The following TMCO1 variants were observed in gnomAD, a reference collection of about 807,000 sequenced individuals.
TMCO1 encodes the protein transmembrane and coiled-coil domains 1.
In TMCO1, 29 loss-of-function variants were observed where a neutral mutation model predicts 29.3. The ratio of observed to expected loss-of-function variants is 0.99; its 90% confidence interval spans 0.74 to 1.35. The LOEUF is 1.35. Ranked by LOEUF, TMCO1 falls within the 40% of genes most tolerant of loss-of-function variation. The pLI is 0.00. For synonymous variants in TMCO1, 80 were observed against 77.1 expected (o/e 1.04, Z -0.20); for missense variants, 173 against 225.5 (o/e 0.77, Z 1.49).
At chr1:165,724,762 C>T (rs993064456), downstream of TMCO1, 15 of 453,628 alleles carry the variant, frequency 3.3e-5, no homozygotes, top group African/African-American at 2.8e-4. Flanking sequence ...CTATAGACAA[C>T]ACATTATATT....
chr1:165,728,988 C>T (rs983141466), intron 6 of TMCO1, among the ~76,000 whole-genome samples: 1 of 151,472 alleles, frequency 6.6e-6, no homozygotes, highest in East Asian at 2.0e-4. Flanking sequence ...CACCTGTAGT[C>T]CTAGCTACTC....
In TMCO1 at chr1:165,766,761, A is replaced by AAAAT. The variant is rs1553251702; in HGVS notation, c.148+1427_148+1430dup. On this transcript the variant is annotated intron_variant, in intron 2 of 6. Coordinates refer to ENST00000367881, the MANE Select transcript of TMCO1 (RefSeq NM_019026.6). ...GTGACAGAGTGAGACCCTGTCTCAA[A>AAAAT]AAATAAATAAATAAATAAAAAATAA... Among the ~76,000 whole-genome samples, 66 of 135,510 alleles carry AAAAT rather than the reference A, an allele frequency of 4.9e-4. 1 individual carries two copies. Among genetic ancestry groups the AAAAT allele is most frequent in the Middle Eastern group, 7.5e-3 (2 of 266 alleles). 88.9% of individuals were successfully genotyped at this position (135,510 alleles called of 152,430 possible).
chr1:165,726,419 T>C (rs914191136), downstream of TMCO1: 2 of 615,374 alleles, frequency 3.3e-6, no homozygotes, highest in Middle Eastern at 4.3e-4. Context: ...GGAGATGGGA[T>C]GAGAAGAGAA....
chr1:165,757,125 T>C (rs1281766085), intron 3 of TMCO1, among the ~76,000 whole-genome samples: 1 of 152,184 alleles, frequency 6.6e-6, no homozygotes, highest in African/African-American at 2.4e-5. Context: ...CAATTACTTA[T>C]GAGAACTGCT....
chr1:165,738,953 G>A (rs568280721), intron 6 of TMCO1, among the ~76,000 whole-genome samples: 9 of 152,080 alleles, frequency 5.9e-5, no homozygotes, highest in African/African-American at 1.2e-4. Context: ...TCTCATGCGT[G>A]TCATGCAGAG....
At chr1:165,738,782 T>A (rs923862574) in intron 6 of TMCO1, among the ~76,000 whole-genome samples, 1 of 152,240 alleles carries the variant, frequency 6.6e-6, no homozygotes, top group Admixed American at 6.5e-5. Flanking sequence ...ATTTAAGTAA[T>A]AAAATTATCT....
At chr1:165,738,867 T>A (rs1208160746) in intron 6 of TMCO1, among the ~76,000 whole-genome samples, 1 of 152,200 alleles carries the variant, frequency 6.6e-6, no homozygotes, top group Non-Finnish European at 1.5e-5. Context: ...GACAACTATA[T>A]ACCAAAAGAA....
intron 5 of TMCO1, among the ~76,000 whole-genome samples, chr1:165,745,802 A>C (rs1313289414): frequency 6.6e-6 from 1 of 152,204 alleles, no homozygotes; most frequent in Non-Finnish European, 1.5e-5. Context: ...TGACAATCTA[A>C]GACACAATAT....
chr1:165,734,536 C>T (rs1651293091), intron 6 of TMCO1, among the ~76,000 whole-genome samples: 1 of 152,000 alleles, frequency 6.6e-6, no homozygotes, highest in Admixed American at 6.6e-5. Flanking sequence ...CGGAGTCTTA[C>T]TCTGTCGTCC....
chr1:165,743,390 C>G, intron 5 of TMCO1, 79 bp from the exon 6 acceptor site: 1 of 1,456,108 alleles, frequency 6.9e-7, no homozygotes, highest in Admixed American at 1.8e-5. Flanking sequence ...GAATCTGGGA[C>G]AGAAATAGAG....
At chr1:165,740,545 A>G (rs151085703) in intron 6 of TMCO1, among the ~76,000 whole-genome samples, 1 of 152,298 alleles carries the variant, frequency 6.6e-6, no homozygotes, top group Non-Finnish European at 1.5e-5. Flanking sequence ...CCAAGCCACA[A>G]TTTTAAAATT....
At chr1:165,726,581 G>A (rs779270479), downstream of TMCO1, 1 of 461,632 alleles carries the variant, frequency 2.2e-6, no homozygotes, top group South Asian at 1.5e-5. Flanking sequence ...TTCCTCATCT[G>A]TTAAATGAAG....
At chr1:165,731,459 C>T (rs570942230) in intron 6 of TMCO1, among the ~76,000 whole-genome samples, 89 of 152,206 alleles carry the variant, frequency 5.8e-4, no homozygotes, top group Non-Finnish European at 1.1e-3. Context: ...GTAATATAGC[C>T]TAGACAAAAT....
intron 6 of TMCO1, among the ~76,000 whole-genome samples, chr1:165,741,149 C>G (rs2101796817): frequency 6.6e-6 from 1 of 152,300 alleles, no homozygotes; most frequent in East Asian, 1.9e-4. Flanking sequence ...CTTAGTGAAA[C>G]TAGTCCCCAT....
chr1:165,732,689 G>T (rs994859349), intron 6 of TMCO1, among the ~76,000 whole-genome samples: 8 of 152,134 alleles, frequency 5.3e-5, no homozygotes, highest in South Asian at 2.1e-4. Context: ...TGATAGAGGG[G>T]TGTGCTATGC....
intron 5 of TMCO1, among the ~76,000 whole-genome samples, chr1:165,748,540 T>C (rs1040127209): frequency 5.3e-5 from 8 of 152,152 alleles, no homozygotes; most frequent in African/African-American, 1.9e-4. Context: ...TCATTAAATT[T>C]GGGACAGGAC....
At chr1:165,766,379 T>C (rs1287061540) in intron 2 of TMCO1, among the ~76,000 whole-genome samples, 1 of 152,140 alleles carries the variant, frequency 6.6e-6, no homozygotes, top group Non-Finnish European at 1.5e-5. Flanking sequence ...CACTGGCCAA[T>C]ACAGCCAAAA....
At chr1:165,767,657 T>G (rs946094679) in intron 2 of TMCO1, among the ~76,000 whole-genome samples, 7 of 152,206 alleles carry the variant, frequency 4.6e-5, no homozygotes, top group African/African-American at 1.7e-4. Context: ...AAGGCTACCA[T>G]GGTTCCTCAC....
downstream of TMCO1, chr1:165,726,389 A>G: frequency 1.5e-6 from 1 of 647,002 alleles, no homozygotes; most frequent in Non-Finnish European, 2.9e-6. Flanking sequence ...AACTTTAGAG[A>G]GCTCACACAC....
Sources: allele counts gnomAD v4.1 joint callset (sites outside exome capture counted in the v4.1 genomes callset), GRCh38; gene constraint gnomAD v4.1.1; transcripts MANE v1.5; gene names NCBI Gene and HGNC (gene_info 2026-07-23, HGNC 2026-07-21).